Variants in PPARA observed in about 807,000 individuals in gnomAD.
The protein encoded by PPARA is peroxisome proliferator activated receptor alpha, also known as peroxisome proliferator-activated receptor alpha.
Under a neutral mutation model 42.2 loss-of-function variants are expected in PPARA, and 22 were observed. The ratio of observed to expected loss-of-function variants is 0.52; its 90% confidence interval spans 0.37 to 0.74. The LOEUF (loss-of-function observed/expected upper bound fraction) is 0.74, where lower values mean the gene tolerates loss of function less well. Among genes scored for constraint, PPARA ranks in the 30% least tolerant of loss-of-function variants. The pLI is 0.00. For synonymous variants in PPARA, 242 were observed against 239.3 expected, an observed-to-expected ratio of 1.01 and a Z score of -0.10; for missense variants, 465 against 608.2, an observed-to-expected ratio of 0.76 and a Z score of 2.48.
At chr22:46,208,991 C>T (rs772799662) in intron 4 of PPARA, among the ~76,000 whole-genome samples, 3 of 152,008 alleles carry the variant, frequency 2.0e-5, no homozygotes, top group Non-Finnish European at 4.4e-5. Flanking sequence ...GATTCCACAT[C>T]AGGCTACTGT....
chr22:46,189,973 G>A (rs1198884824), intron 3 of PPARA, among the ~76,000 whole-genome samples: 2 of 152,110 alleles, frequency 1.3e-5, no homozygotes, highest in African/African-American at 4.8e-5. Flanking sequence ...CCAAAGTGCT[G>A]GGATTACAGG....
In PPARA at chr22:46,196,437, G is replaced by A. The variant is rs1932242572; in HGVS notation, c.-42-1905G>A. Among the ~76,000 whole-genome samples the A allele has an allele frequency of 6.6e-6, 1 of 152,196 alleles. No homozygotes were observed. Among genetic ancestry groups the A allele is most frequent in the African/African-American group, 2.4e-5 (1 of 41,458 alleles). Reference sequence around the variant, plus strand: ...GCACACATGCCACCGGCTTGGCCCTGCGCCCCGCAGCCTGAGCCACACTGG... The same window carrying A: ...GCACACATGCCACCGGCTTGGCCCTACGCCCCGCAGCCTGAGCCACACTGG... On this transcript the variant is annotated intron_variant, in intron 3 of 8. Transcript: ENST00000407236. This position sits in a 1 kb window ranked among gnomAD's most constrained non-coding sequence, Gnocchi z 5.6.
rs1157898320 is a variant in PPARA, at chr22:46,190,325, T to A, written c.-42-8017T>A. 2.6e-5 allele frequency among the ~76,000 whole-genome samples: 4 copies of A among 152,198 alleles called. No homozygotes were observed. The highest frequency in any genetic ancestry group is 5.9e-5 in the Non-Finnish European group (4 of 68,044). ...TTAGCAAAGAAAGATGTAAATAGAT[T>A]TCTGTAGGGTGGCATTATTAAGCAT... On this transcript the variant is annotated intron_variant, in intron 3 of 8. Coordinates refer to ENST00000407236, the MANE Select transcript of PPARA (RefSeq NM_005036.6). This position sits in a 1 kb window ranked among gnomAD's most constrained non-coding sequence, Gnocchi z 5.6.
At position 46,233,407 on chromosome 22, in the gene PPARA, G is replaced by A. The variant is rs1180584084; in HGVS notation, c.1159+1168G>A. On this transcript the variant is annotated intron_variant, in intron 8 of 8. Transcript: ENST00000407236. The surrounding 1 kb of genome is among the most constrained non-coding windows in gnomAD (Gnocchi z 7.3). ...AAGGTCATCCACCTACTGCAAACTC[G>A]GCTGACCTTACCCAGGGTTGGTGGA... is the stretch of plus-strand genomic sequence containing the variant. 2.6e-5 allele frequency among the ~76,000 whole-genome samples: 4 copies of A among 152,084 alleles called. No homozygotes were observed. Among genetic ancestry groups the A allele is most frequent in the Non-Finnish European group, 1.5e-5 (1 of 68,020 alleles).
intron 5 of PPARA, among the ~76,000 whole-genome samples, chr22:46,218,056 C>A (rs2147576056): frequency 6.6e-6 from 1 of 151,986 alleles, no homozygotes; most frequent in Non-Finnish European, 1.5e-5. Context: ...GTCTCGAACT[C>A]CTGACCTCAG....
Position 46,240,375 on chromosome 22 carries a change from GT to G in PPARA, c.*4997del. The G allele has an allele frequency of 2.5e-6, 1 of 396,612 alleles. No individual in the cohort carries two copies. The highest frequency in any genetic ancestry group is 4.4e-6 in the Non-Finnish European group (1 of 225,268). 24.6% of individuals were successfully genotyped at this position (396,612 alleles called of 1,614,324 possible). ...TTTCTCCACCTCCTGCAGCCTCCCT[GT>G]TGTTTCTAGACTCTTGCACCTGGTG... On this transcript the variant is annotated 3_prime_UTR_variant, in exon 9 of 9. Coordinates refer to ENST00000407236, the MANE Select transcript of PPARA (RefSeq NM_005036.6). This position sits in a 1 kb window ranked among gnomAD's most constrained non-coding sequence, Gnocchi z 6.0.
chr22:46,240,469 C>G lies in PPARA; in HGVS notation c.*5089C>G. On this transcript the variant is annotated 3_prime_UTR_variant, in exon 9 of 9. Coordinates refer to ENST00000407236, the MANE Select transcript of PPARA (RefSeq NM_005036.6). The surrounding 1 kb of genome is among the most constrained non-coding windows in gnomAD (Gnocchi z 6.0). ...AGCTCCCATCTCCTGGACTGCCAGC[C>G]TCACCCTCTGCAGTTAGCATGGTTG... 2.6e-6 allele frequency: 1 copy of G among 390,670 alleles called. No individual in the cohort carries two copies. Among genetic ancestry groups the G allele is most frequent in the Non-Finnish European group, 4.5e-6 (1 of 221,686 alleles). 24.2% of individuals were successfully genotyped at this position (390,670 alleles called of 1,614,324 possible). A position where few individuals can be genotyped will look rare whatever the true frequency, so the allele number is the denominator to read the frequency against.
In PPARA at chr22:46,224,808, G is replaced by A. The variant is rs1332539756; in HGVS notation, c.711+4794G>A. Among the ~76,000 whole-genome samples, 2 of 152,220 alleles carry A rather than the reference G, an allele frequency of 1.3e-5. No individual in the cohort carries two copies. Among genetic ancestry groups the A allele is most frequent in the African/African-American group, 4.8e-5 (2 of 41,452 alleles). ...AAAGCCTTGATGGGGAAGCACGGGG[G>A]ATGGATAGATTTTAATTTCAAAGCA... On this transcript the variant is annotated intron_variant, in intron 7 of 8. Coordinates refer to ENST00000407236, the MANE Select transcript of PPARA (RefSeq NM_005036.6). This position sits in a 1 kb window ranked among gnomAD's most constrained non-coding sequence, Gnocchi z 5.7.
chr22:46,176,042 G>C (rs1233401468), intron 2 of PPARA: 1 of 152,350 alleles, frequency 6.6e-6, no homozygotes, highest in Admixed American at 6.5e-5. Context: ...GGAAGGCTGA[G>C]GTAGGAGGAC....
chr22:46,214,252 A>T (rs1438266175), intron 4 of PPARA, among the ~76,000 whole-genome samples: 4 of 152,148 alleles, frequency 2.6e-5, no homozygotes, highest in Non-Finnish European at 5.9e-5. Flanking sequence ...GCGGGCCCAT[A>T]GATGTGCAGG....
rs1294940399 is a variant in PPARA, at chr22:46,161,198, T to G, written c.-127+9228T>G. ...CTAGGAAGTGGATGGAGACTCTTTT[T>G]GGAATGAATGAATTCAAATGTGGGC... On this transcript the variant is annotated intron_variant, in intron 2 of 8. Transcript: ENST00000407236. The surrounding 1 kb of genome is among the most constrained non-coding windows in gnomAD (Gnocchi z 4.8). 1.3e-5 allele frequency among the ~76,000 whole-genome samples: 2 copies of G among 152,228 alleles called. No homozygotes were observed. Among genetic ancestry groups the G allele is most frequent in the Non-Finnish European group, 2.9e-5 (2 of 68,038 alleles).
rs758409294 is a variant in PPARA, at chr22:46,235,135, C to A, written c.1162C>A (p.Arg388Ser). The change falls in exon 9 of 9, where the codon CGT (arginine) becomes AGT (serine). Residue 388 changes from arginine to serine, a missense_variant and splice_region_variant. Coordinates refer to ENST00000407236, the MANE Select transcript of PPARA (RefSeq NM_005036.6). This position sits in a 1 kb window ranked among gnomAD's most constrained non-coding sequence, Gnocchi z 7.0. ...FVAAIICCGD[R>S]PGLLNVGHIE... ...TCTCTCTCTTCTTTCGAGACTAGAT[C>A]GTCCTGGCCTTCTAAACGTAGGACA... The A allele has an allele frequency of 1.2e-6, 2 of 1,613,850 alleles. No homozygotes were observed. Among genetic ancestry groups the A allele is most frequent in the Admixed American group, 1.7e-5 (1 of 59,992 alleles).
In PPARA at chr22:46,173,016, G is replaced by C. The variant is rs1389376721; in HGVS notation, c.-126-3737G>C. Among the ~76,000 whole-genome samples the C allele has an allele frequency of 6.6e-6, 1 of 152,258 alleles. No individual in the cohort carries two copies. The highest frequency in any genetic ancestry group is 2.4e-5 in the African/African-American group (1 of 41,552). ...TTCCATTTTTACCCTTAAATGGCTT[G>C]CTTCTGCTCCCTTAGTGTTCTTGTC... On this transcript the variant is annotated intron_variant, in intron 2 of 8. Transcript: ENST00000407236. The surrounding 1 kb of genome is among the most constrained non-coding windows in gnomAD (Gnocchi z 4.3).
At position 46,240,850 on chromosome 22, in the gene PPARA, G is replaced by C. The variant is rs537732494; in HGVS notation, c.*5470G>C. 1.3e-5 allele frequency: 2 copies of C among 152,374 alleles called. No individual in the cohort carries two copies. The highest frequency in any genetic ancestry group is 2.4e-5 in the African/African-American group (1 of 41,582). 9.4% of individuals were successfully genotyped at this position (152,374 alleles called of 1,614,324 possible). On this transcript the variant is annotated 3_prime_UTR_variant, in exon 9 of 9. Coordinates refer to ENST00000407236, the MANE Select transcript of PPARA (RefSeq NM_005036.6). The surrounding 1 kb of genome is among the most constrained non-coding windows in gnomAD (Gnocchi z 6.0). ...ATATTTGCATCGAGCAAAGGGGGCT[G>C]TGTGCACCTCCCTAATGGCAGCGAT... is the stretch of plus-strand genomic sequence containing the variant.
rs1380374985 is a variant in PPARA at position 46,195,822 on chromosome 22, T to G, written c.-42-2520T>G. 6.6e-6 allele frequency among the ~76,000 whole-genome samples: 1 copy of G among 152,074 alleles called. No individual in the cohort carries two copies. Among genetic ancestry groups the G allele is most frequent in the Non-Finnish European group, 1.5e-5 (1 of 68,012 alleles). ...CATACCCCCGAGCCTCTCCGTGGTG[T>G]GCGCCGTGGGCACCATGTGACCATT... On this transcript the variant is annotated intron_variant, in intron 3 of 8. Transcript: ENST00000407236. The surrounding 1 kb of genome is among the most constrained non-coding windows in gnomAD (Gnocchi z 4.6).
In PPARA at chr22:46,240,333, C is replaced by A; in HGVS notation, c.*4953C>A. 1 of 398,030 alleles carries A rather than the reference C, an allele frequency of 2.5e-6. No individual in the cohort carries two copies. The highest frequency in any genetic ancestry group is 1.3e-4 in the South Asian group (1 of 7,680). The allele number at this position is 398,030 out of a possible 1,614,324, so 24.7% of individuals were successfully genotyped here. On this transcript the variant is annotated 3_prime_UTR_variant, in exon 9 of 9. Coordinates refer to ENST00000407236, the MANE Select transcript of PPARA (RefSeq NM_005036.6). The surrounding 1 kb of genome is among the most constrained non-coding windows in gnomAD (Gnocchi z 6.0). ...CTGCTGGGTGTTGCTAGCCGCTGGTCCCCAGGCACGGTGCACTTTCTCCAC... is the reference window on the plus strand; with the variant it reads ...CTGCTGGGTGTTGCTAGCCGCTGGTACCCAGGCACGGTGCACTTTCTCCAC...
At chr22:46,170,310 G>A (rs927086857) in intron 2 of PPARA, among the ~76,000 whole-genome samples, 2 of 150,172 alleles carry the variant, frequency 1.3e-5, no homozygotes, top group Admixed American at 6.7e-5. Flanking sequence ...GTGCAGTGGT[G>A]TGATCTTGGC....
At chr22:46,202,867 T>C (rs988051353) in intron 4 of PPARA, among the ~76,000 whole-genome samples, 4 of 150,830 alleles carry the variant, frequency 2.7e-5, no homozygotes, top group African/African-American at 9.7e-5. Flanking sequence ...TGTCTTTAAA[T>C]AAATAAATAA....
chr22:46,225,029 C>CT lies in PPARA; in HGVS notation c.711+5017dup, dbSNP rs1935302172. ...GGGAGGCCTAGAATCAGCCAGGAGG[C>CT]TTGGGTCGGGGTTGGAACCGGCCAG... On this transcript the variant is annotated intron_variant, in intron 7 of 8. Transcript: ENST00000407236. The surrounding 1 kb of genome is among the most constrained non-coding windows in gnomAD (Gnocchi z 4.1). 6.6e-6 allele frequency among the ~76,000 whole-genome samples: 1 copy of CT among 151,650 alleles called. No homozygotes were observed.
Sources: gnomAD v4.1 joint callset for allele counts (sites outside exome capture counted in the v4.1 genomes callset) on GRCh38, gnomAD v4.1.1 for gene constraint, Gnocchi (gnomAD v3.1) non-coding constraint, MANE v1.5 for transcripts, NCBI Gene and HGNC (gene_info 2026-07-23, HGNC 2026-07-21) for gene names.